The following STAG1 variants were observed in gnomAD, a reference collection of about 807,000 sequenced individuals.
STAG1 encodes the protein STAG1 cohesin complex component.
In STAG1, 26 loss-of-function variants were observed where a neutral mutation model predicts 170.9. That is an observed-to-expected ratio of 0.15 (90% CI 0.11 to 0.21). The LOEUF is 0.21. Among genes scored for constraint, STAG1 ranks in the 10% least tolerant of loss-of-function variants. The pLI is 1.00. For synonymous variants in STAG1, 514 were observed against 497.7 expected, an observed-to-expected ratio of 1.03 and a Z score of -0.44; for missense variants, 964 against 1,509.5, an observed-to-expected ratio of 0.64 and a Z score of 5.99.
chr3:136,349,312 C>A lies in STAG1; in HGVS notation c.3117G>T (p.Glu1039Asp). ...FLTEQMMERR[E>D]DVWLPLISYR... ...AGGAGATGAGTGGAAGCCATACATC[C>A]TCCCTCCTTTCCATCATCTGCTCGG... Residue 1039 changes from glutamate (E) to aspartate (D), a missense_variant, in exon 29 of 34, where the codon GAG becomes GAT. Coordinates refer to ENST00000383202, the MANE Select transcript of STAG1 (RefSeq NM_005862.3). 1 of 1,613,952 alleles carries A rather than the reference C, an allele frequency of 6.2e-7. No homozygotes were observed. Among genetic ancestry groups the A allele is most frequent in the Non-Finnish European group, 8.5e-7 (1 of 1,179,838 alleles).
chr3:136,500,986 T>C (rs536897283), intron 8 of STAG1, among the ~76,000 whole-genome samples: 38 of 152,158 alleles, frequency 2.5e-4, no homozygotes, highest in Non-Finnish European at 2.9e-5. Context: ...ATTTACTGTA[T>C]AGTAATATTC....
chr3:136,606,750 CTT>C (rs529115947), intron 3 of STAG1, among the ~76,000 whole-genome samples: 20 of 126,876 alleles, frequency 1.6e-4, no homozygotes, highest in Admixed American at 1.6e-4. Context: ...AGGTAACATG[CTT>C]TTTTTTTTTT....
chr3:136,677,251 T>C (rs773141098), intron 1 of STAG1, among the ~76,000 whole-genome samples: 3 of 152,076 alleles, frequency 2.0e-5, no homozygotes, highest in Non-Finnish European at 2.9e-5. Flanking sequence ...GCCCAATAGG[T>C]TTATACCAGC....
intron 6 of STAG1, among the ~76,000 whole-genome samples, chr3:136,530,576 C>A (rs947242179): frequency 6.6e-6 from 1 of 152,040 alleles, no homozygotes; most frequent in African/African-American, 2.4e-5. Context: ...TCTTCTCAGA[C>A]CACAATGGAA....
rs551856041 is a variant in STAG1, at chr3:136,435,859, G to A, written c.1547-2200C>T. 4.4e-4 allele frequency among the ~76,000 whole-genome samples: 67 copies of A among 151,804 alleles called. 1 individual carries two copies. In the South Asian group the frequency reaches 8.7e-3, roughly 20 times the overall value. ...TGATTTTTGTAGTTTTAGTAGAGAC[G>A]GGGTTTCACCATCTTGGCCATGCTG... On this transcript the variant is annotated intron_variant, in intron 15 of 33. Coordinates refer to ENST00000383202, the MANE Select transcript of STAG1 (RefSeq NM_005862.3).
At chr3:136,569,390 G>T (rs1937189870) in intron 4 of STAG1, among the ~76,000 whole-genome samples, 1 of 135,806 alleles carries the variant, frequency 7.4e-6, no homozygotes, top group Non-Finnish European at 1.6e-5. Context: ...AAACGTATCT[G>T]ATAAAATTCT....
At chr3:136,604,616 C>A in intron 3 of STAG1, 143 bp from the exon 4 acceptor site, 2 of 715,472 alleles carry the variant, frequency 2.8e-6, no homozygotes, top group East Asian at 5.9e-5. Context: ...GTGCAAAGAG[C>A]AAAACATAAG....
chr3:136,444,033 C>T (rs2088706349), intron 14 of STAG1, among the ~76,000 whole-genome samples: 1 of 152,028 alleles, frequency 6.6e-6, no homozygotes, highest in Non-Finnish European at 1.5e-5. Flanking sequence ...CACTTCACAC[C>T]AAACTCTACC....
chr3:136,692,999 C>T (rs117304271), intron 1 of STAG1, among the ~76,000 whole-genome samples: 27 of 152,020 alleles, frequency 1.8e-4, no homozygotes, highest in East Asian at 3.9e-4. Context: ...TGTGGGACAC[C>T]GTAATAGAAA....
At chr3:136,648,232 G>A (rs1941098224) in intron 1 of STAG1, among the ~76,000 whole-genome samples, 2 of 152,198 alleles carry the variant, frequency 1.3e-5, no homozygotes, top group South Asian at 4.1e-4. Flanking sequence ...GACCATGGTT[G>A]TTAACCAGAA....
intron 7 of STAG1, among the ~76,000 whole-genome samples, chr3:136,507,520 C>T (rs957794109): frequency 1.3e-5 from 2 of 151,938 alleles, no homozygotes; most frequent in African/African-American, 2.4e-5. Context: ...TACCACCATG[C>T]CCAGCTAATT....
At chr3:136,430,855 C>G (rs573333110) in intron 16 of STAG1, among the ~76,000 whole-genome samples, 1 of 111,304 alleles carries the variant, frequency 9.0e-6, no homozygotes, top group South Asian at 2.9e-4. Context: ...ACACACACAG[C>G]CTTTTACCTT....
chr3:136,716,668 A>G (rs533008277), intron 1 of STAG1, among the ~76,000 whole-genome samples: 26 of 152,250 alleles, frequency 1.7e-4, no homozygotes, highest in African/African-American at 6.3e-4. Context: ...ACAAACAAAA[A>G]ACTCTATATT....
intron 5 of STAG1, among the ~76,000 whole-genome samples, chr3:136,563,312 GGTT>G (rs1344278839): frequency 6.6e-5 from 10 of 151,994 alleles, no homozygotes; most frequent in Non-Finnish European, 1.3e-4. Context: ...CTTTCAGTGT[GGTT>G]GTTATTATGG....
chr3:136,719,489 A>G (rs1190526599), intron 1 of STAG1, among the ~76,000 whole-genome samples: 1 of 151,882 alleles, frequency 6.6e-6, no homozygotes, highest in Non-Finnish European at 1.5e-5. Context: ...AAAATGGGAG[A>G]ATTTTATGTT....
chr3:136,689,228 T>C (rs965862777), intron 1 of STAG1, among the ~76,000 whole-genome samples: 1 of 152,142 alleles, frequency 6.6e-6, no homozygotes, highest in Non-Finnish European at 1.5e-5. Context: ...CCAATACATA[T>C]TGCATACCCA....
At chr3:136,500,170 A>T in intron 9 of STAG1, 53 bp downstream of exon 9, 1 of 1,211,358 alleles carries the variant, frequency 8.3e-7, no homozygotes, top group Non-Finnish European at 1.2e-6. Context: ...CACAAAAAAA[A>T]TCAATAATTG....
At chr3:136,660,193 G>A (rs1244996748) in intron 1 of STAG1, among the ~76,000 whole-genome samples, 3 of 152,142 alleles carry the variant, frequency 2.0e-5, no homozygotes, top group Non-Finnish European at 4.4e-5. Context: ...GGCGATAGAT[G>A]TCTCTTCCTA....
intron 7 of STAG1, among the ~76,000 whole-genome samples, chr3:136,517,416 G>A (rs967501432): frequency 1.3e-5 from 2 of 151,996 alleles, no homozygotes; most frequent in African/African-American, 2.4e-5. Context: ...ATATTAAAAC[G>A]TTAACCAACA....
Sources: gnomAD v4.1 joint callset for allele counts (sites outside exome capture counted in the v4.1 genomes callset) on GRCh38, gnomAD v4.1.1 for gene constraint, MANE v1.5 for transcripts, NCBI Gene and HGNC (gene_info 2026-07-23, HGNC 2026-07-21) for gene names.